SPTLC1: variants seen among roughly 807,000 people sequenced by gnomAD.
SPTLC1 encodes serine palmitoyltransferase long chain base subunit 1.
SPTLC1 carries 55 observed loss-of-function variants against 68.9 expected under a neutral mutation model. The observed-to-expected ratio is 0.80, with a 90% confidence interval of 0.64 to 1.00. The LOEUF (loss-of-function observed/expected upper bound fraction) is 1.00. Among genes scored for constraint, SPTLC1 ranks in the 50% least tolerant of loss-of-function variants. The probability of loss-of-function intolerance (pLI) is 0.00; values close to 1 mark genes in which losing one functional copy is unlikely to be tolerated. For missense variants in SPTLC1, 449 were observed against 573.1 expected, an observed-to-expected ratio of 0.78 and a Z score of 2.21; for synonymous variants, 197 against 201.6, an observed-to-expected ratio of 0.98 and a Z score of 0.19.
chr9:92,045,807 A>G (rs922919811), intron 12 of SPTLC1, among the ~76,000 whole-genome samples, 192 bp downstream of exon 12: 1 of 152,194 alleles, frequency 6.6e-6, no homozygotes, highest in African/African-American at 2.4e-5. Context: ...ATTTTCAGAA[A>G]AACAAAGTCA....
chr9:92,086,455 C>G (rs1354365153), intron 3 of SPTLC1, among the ~76,000 whole-genome samples: 1 of 152,154 alleles, frequency 6.6e-6, no homozygotes, highest in Non-Finnish European at 1.5e-5. Flanking sequence ...CAAAATCTCT[C>G]AGCATTTGCT....
chr9:92,081,768 A>G (rs775556253), intron 3 of SPTLC1, among the ~76,000 whole-genome samples: 2 of 152,206 alleles, frequency 1.3e-5, no homozygotes, highest in African/African-American at 4.8e-5. Flanking sequence ...GAACCATGGC[A>G]CAGGGTGAGT....
At chr9:92,032,853 G>A (rs547785717) in intron 14 of SPTLC1, among the ~76,000 whole-genome samples, 36 of 149,498 alleles carry the variant, frequency 2.4e-4, no homozygotes, top group Admixed American at 5.3e-4. Context: ...TCCAGCCTGG[G>A]CAACAGAGTG....
chr9:92,077,303 A>C (rs1834715602), intron 5 of SPTLC1, among the ~76,000 whole-genome samples: 1 of 151,822 alleles, frequency 6.6e-6, no homozygotes, highest in Non-Finnish European at 1.5e-5. Context: ...TAAGCTGCCA[A>C]TTTCCTTTTA....
At chr9:92,115,107 C>G in intron 1 of SPTLC1, 3 of 607,536 alleles carry the variant, frequency 4.9e-6, no homozygotes, top group Non-Finnish European at 8.8e-6. Context: ...AACCGAGACC[C>G]TCAGTCCCAG....
At chr9:92,104,815 G>A in intron 3 of SPTLC1, 1 of 1,531,616 alleles carries the variant, frequency 6.5e-7, no homozygotes, top group Non-Finnish European at 8.7e-7. Flanking sequence ...ACAATCCCAG[G>A]CCCTTGGAGG....
intron 8 of SPTLC1, 111 bp downstream of exon 8, chr9:92,055,294 G>A: frequency 3.2e-6 from 5 of 1,549,442 alleles, no homozygotes; most frequent in Non-Finnish European, 3.5e-6. Context: ...TGCTTATGAG[G>A]CCTAATGCGC....
At chr9:92,092,434 A>G (rs966336540) in intron 3 of SPTLC1, among the ~76,000 whole-genome samples, 27 of 152,356 alleles carry the variant, frequency 1.8e-4, no homozygotes, top group African/African-American at 6.5e-4. Flanking sequence ...ACACATTAGA[A>G]GTATAGCCTA....
chr9:92,092,243 A>G (rs916130613), intron 3 of SPTLC1, among the ~76,000 whole-genome samples: 2 of 152,242 alleles, frequency 1.3e-5, no homozygotes, highest in South Asian at 4.1e-4. Context: ...CAATAAAGTA[A>G]GACATAAAGC....
chr9:92,086,404 T>A (rs911477303), intron 3 of SPTLC1, among the ~76,000 whole-genome samples: 2 of 152,240 alleles, frequency 1.3e-5, no homozygotes, highest in Admixed American at 1.3e-4. Flanking sequence ...CCATGTTTAA[T>A]GCTTCCTTCA....
intron 2 of SPTLC1, chr9:92,110,559 A>G (rs1181339209): frequency 1.3e-5 from 2 of 152,226 alleles, no homozygotes; most frequent in Non-Finnish European, 2.9e-5. Context: ...AGATTATGAT[A>G]GACCATATTT....
At chr9:92,060,519 A>C (rs1834053372) in intron 6 of SPTLC1, among the ~76,000 whole-genome samples, 1 of 152,186 alleles carries the variant, frequency 6.6e-6, no homozygotes, top group South Asian at 2.1e-4. Flanking sequence ...CAGAACTGAA[A>C]AACTAAATTA....
intron 12 of SPTLC1, among the ~76,000 whole-genome samples, chr9:92,044,135 A>G (rs1321751954): frequency 6.6e-6 from 1 of 152,234 alleles, no homozygotes; most frequent in African/African-American, 2.4e-5. Context: ...GCAGTGGTCC[A>G]GGGTGGTGAT....
chr9:92,087,141 C>T (rs977427102), intron 3 of SPTLC1, among the ~76,000 whole-genome samples: 11 of 151,024 alleles, frequency 7.3e-5, no homozygotes, highest in East Asian at 2.0e-4. Context: ...GTTATACATT[C>T]GTCTAAATTT....
At chr9:92,060,331 G>T (rs1022179655) in intron 6 of SPTLC1, among the ~76,000 whole-genome samples, 1 of 152,112 alleles carries the variant, frequency 6.6e-6, no homozygotes, top group African/African-American at 2.4e-5. Context: ...CAAGTAGAAT[G>T]AAACAACAAA....
chr9:92,038,978 C>T (rs777100177), intron 12 of SPTLC1, among the ~76,000 whole-genome samples: 23 of 151,954 alleles, frequency 1.5e-4, no homozygotes, highest in Middle Eastern at 3.4e-3. Context: ...AAAACAAAAA[C>T]AAAAACAAAA....
chr9:92,055,004 C>T (rs1290187168), intron 8 of SPTLC1, among the ~76,000 whole-genome samples: 4 of 151,924 alleles, frequency 2.6e-5, no homozygotes, highest in Non-Finnish European at 5.9e-5. Flanking sequence ...GCAGGAGGAT[C>T]GCTTGAGCCC....
At chr9:92,053,280 T>C (rs530547320) in intron 8 of SPTLC1, among the ~76,000 whole-genome samples, 1 of 152,254 alleles carries the variant, frequency 6.6e-6, no homozygotes, top group Non-Finnish European at 1.5e-5. Context: ...GACAAAGATG[T>C]AGAGAAACTG....
rs1189643055 is a variant in SPTLC1 at position 92,068,213 on chromosome 9, A to G, written c.428-115T>C. The G allele has an allele frequency of 4.1e-6, 4 of 974,638 alleles. No individual in the cohort carries two copies. In the African/African-American group the frequency reaches 5.0e-5, roughly 12 times the overall value. 60.4% of individuals were successfully genotyped at this position (974,638 alleles called of 1,614,324 possible). On this transcript the variant is annotated intron_variant, in intron 5 of 14. Coordinates refer to ENST00000262554, the MANE Select transcript of SPTLC1 (RefSeq NM_006415.4). ...TTATCAATACTTTCACCTTATGGCC[A>G]AAATGGAATTGTTTTTAAATGATAG...
Sources: gnomAD v4.1 joint callset for allele counts (sites outside exome capture counted in the v4.1 genomes callset) on GRCh38, gnomAD v4.1.1 for gene constraint, MANE v1.5 for transcripts, NCBI Gene and HGNC (gene_info 2026-07-23, HGNC 2026-07-21) for gene names.